Variants in DENND1A observed in about 807,000 individuals in gnomAD.
DENND1A encodes DENN domain-containing protein 1A.
A neutral mutation model predicts 113.7 loss-of-function variants in DENND1A; 51 were observed. The observed-to-expected ratio is 0.45, with a 90% CI of 0.36 to 0.57. The LOEUF (loss-of-function observed/expected upper bound fraction) is 0.57. Ranked by LOEUF, DENND1A falls within the 20% of genes least tolerant of loss-of-function variation. The pLI is 0.00. For missense variants in DENND1A, 1,258 were observed against 1,395.9 expected (o/e 0.90, Z 1.57); for synonymous variants, 565 against 570.8 (o/e 0.99, Z 0.14).
chr9:123,778,756 A>G (rs1830819151), intron 3 of DENND1A, among the ~76,000 whole-genome samples: 1 of 152,052 alleles, frequency 6.6e-6, no homozygotes, highest in African/African-American at 2.4e-5. Flanking sequence ...AGTCTGCCAA[A>G]CCCGATCTAG....
At chr9:123,706,363 G>C (rs921522664) in intron 5 of DENND1A, among the ~76,000 whole-genome samples, 2 of 151,764 alleles carry the variant, frequency 1.3e-5, no homozygotes, top group African/African-American at 4.8e-5. Context: ...TGTTGGCCAG[G>C]CTGGTCTCAA....
intron 13 of DENND1A, among the ~76,000 whole-genome samples, chr9:123,516,464 A>G (rs746708877): frequency 6.6e-6 from 1 of 152,222 alleles, no homozygotes; most frequent in Non-Finnish European, 1.5e-5. Flanking sequence ...TAACAGTTCA[A>G]TGTCACTAGT....
At chr9:123,846,187 C>G (rs1315607594) in intron 2 of DENND1A, among the ~76,000 whole-genome samples, 1 of 152,104 alleles carries the variant, frequency 6.6e-6, no homozygotes, top group African/African-American at 2.4e-5. Flanking sequence ...AAGAGACAGA[C>G]AACAGTATCC....
intron 19 of DENND1A, among the ~76,000 whole-genome samples, chr9:123,433,047 A>G (rs188381065): frequency 5.6e-4 from 86 of 152,360 alleles, no homozygotes; most frequent in Non-Finnish European, 1.0e-3. Context: ...AGTGTCAGCA[A>G]ATGATTGACA....
At chr9:123,708,556 T>C (rs565486706) in intron 5 of DENND1A, among the ~76,000 whole-genome samples, 2 of 152,276 alleles carry the variant, frequency 1.3e-5, no homozygotes, top group East Asian at 1.9e-4. Flanking sequence ...TCTAAGTATA[T>C]TCATGACCAG....
chr9:123,577,921 G>C (rs2058707935), intron 12 of DENND1A, among the ~76,000 whole-genome samples: 1 of 152,146 alleles, frequency 6.6e-6, no homozygotes, highest in Non-Finnish European at 1.5e-5. Flanking sequence ...TGCCCTACTG[G>C]TGTCTCTTAT....
At chr9:123,446,161 T>G (rs2047291163) in intron 18 of DENND1A, among the ~76,000 whole-genome samples, 1 of 152,254 alleles carries the variant, frequency 6.6e-6, no homozygotes, top group Non-Finnish European at 1.5e-5. Context: ...GGCAGAGGCC[T>G]TCCCGTCTGA....
At chr9:123,538,749 A>AGTGTGTGTGT (rs145062895) in intron 13 of DENND1A, among the ~76,000 whole-genome samples, 173 of 91,020 alleles carry the variant, frequency 1.9e-3, no homozygotes, top group African/African-American at 6.9e-3. Flanking sequence ...TATGTGTGTG[A>AGTGTGTGTGT]GTGTGTGTGT....
In DENND1A at chr9:123,381,049, G is replaced by A; in HGVS notation, c.*383C>T. ...CAGGGCCTGGCTGTGGAGGAGACAGGAGAGCTGGGCTCGGAGGGGAGGCCT... is the reference window on the plus strand; with the variant it reads ...CAGGGCCTGGCTGTGGAGGAGACAGAAGAGCTGGGCTCGGAGGGGAGGCCT... On this transcript the variant is annotated 3_prime_UTR_variant, in exon 24 of 24. Coordinates refer to ENST00000394215, the MANE Select transcript of DENND1A (RefSeq NM_001352964.2). The surrounding 1 kb of genome is among the most constrained non-coding windows in gnomAD (Gnocchi z 4.7). The A allele has an allele frequency of 4.3e-6, 1 of 233,012 alleles. No homozygotes were observed. The highest frequency in any genetic ancestry group is 8.4e-6 in the Non-Finnish European group (1 of 118,390). 14.4% of individuals were successfully genotyped at this position (233,012 alleles called of 1,614,324 possible). A position where few individuals can be genotyped will look rare whatever the true frequency, so the allele number is the denominator to read the frequency against.
rs1346989703 is a variant in DENND1A, at chr9:123,380,374, G to C, written c.*1058C>G. ...AATTTCTGTGCTGGCCTGGAGCTCT[G>C]GGCAGGTGGGGAGGGACTGGCTTCT... On this transcript the variant is annotated 3_prime_UTR_variant, in exon 24 of 24. Coordinates refer to ENST00000394215, the MANE Select transcript of DENND1A (RefSeq NM_001352964.2). 2 of 152,582 alleles carry C rather than the reference G, an allele frequency of 1.3e-5. No homozygotes were observed. Among genetic ancestry groups the C allele is most frequent in the African/African-American group, 4.8e-5 (2 of 41,450 alleles). 9.5% of individuals were successfully genotyped at this position (152,582 alleles called of 1,614,324 possible). A position where few individuals can be genotyped will look rare whatever the true frequency, so the allele number is the denominator to read the frequency against.
chr9:123,910,692 C>A (rs1163598931), intron 1 of DENND1A, among the ~76,000 whole-genome samples: 1 of 152,208 alleles, frequency 6.6e-6, no homozygotes, highest in Admixed American at 6.5e-5. Context: ...GTAATCCCAG[C>A]ACTTTGGGAG....
At chr9:123,415,750 G>A (rs770327432) in intron 19 of DENND1A, among the ~76,000 whole-genome samples, 10 of 152,216 alleles carry the variant, frequency 6.6e-5, no homozygotes, top group Non-Finnish European at 1.2e-4. Flanking sequence ...CTGCTGCAGG[G>A]ATGCGGGGCA....
At chr9:123,486,154 T>G (rs2050844917) in intron 13 of DENND1A, among the ~76,000 whole-genome samples, 1 of 152,088 alleles carries the variant, frequency 6.6e-6, no homozygotes, top group Non-Finnish European at 1.5e-5. Context: ...CCTAATTTCC[T>G]CCTCTGTAAA....
intron 12 of DENND1A, among the ~76,000 whole-genome samples, chr9:123,577,637 T>C (rs1037685631): frequency 1.3e-5 from 2 of 151,896 alleles, no homozygotes; most frequent in African/African-American, 2.4e-5. Flanking sequence ...TTAGATTTCT[T>C]GCACATCAGA....
intron 11 of DENND1A, among the ~76,000 whole-genome samples, chr9:123,598,027 T>A (rs2137270180): frequency 6.6e-6 from 1 of 152,282 alleles, no homozygotes; most frequent in South Asian, 2.1e-4. Flanking sequence ...CAATCTGAAA[T>A]AGCTATTGCA....
chr9:123,383,225 T>C (rs1201928898), intron 23 of DENND1A, among the ~76,000 whole-genome samples: 1 of 152,334 alleles, frequency 6.6e-6, no homozygotes, highest in Non-Finnish European at 1.5e-5. Context: ...GGGGATGTGA[T>C]GGATTAGACG....
chr9:123,381,742 G>A lies in DENND1A; in HGVS notation c.2903C>T (p.Pro968Leu), dbSNP rs1035108429. Reference protein sequence around the residue: ...GQMPMGTHTSPLQPLGPPAVA... With the variant: ...GQMPMGTHTSLLQPLGPPAVA... The stretch of plus-strand genomic sequence containing the variant: ...TGCTGGGGGACCCAGCGGCTGTAGG[G>A]GGCTCGTGTGGGTGCCCATGGGCAT... The change falls in exon 24 of 24, where the codon CCC becomes CTC. Residue 968 changes from proline (P) to leucine (L), a missense_variant. Transcript: ENST00000394215. The surrounding 1 kb of genome is among the most constrained non-coding windows in gnomAD (Gnocchi z 4.7). 9 of 1,515,150 alleles carry A rather than the reference G, an allele frequency of 5.9e-6. No individual in the cohort carries two copies. The highest frequency in any genetic ancestry group is 8.0e-6 in the Non-Finnish European group (9 of 1,131,722). 93.9% of individuals were successfully genotyped at this position (1,515,150 alleles called of 1,614,324 possible).
At chr9:123,800,013 C>G (rs1834372491) in intron 2 of DENND1A, among the ~76,000 whole-genome samples, 2 of 152,176 alleles carry the variant, frequency 1.3e-5, no homozygotes, top group South Asian at 4.1e-4. Context: ...CTGAAATAAA[C>G]TTTTATAAAC....
At chr9:123,613,143 C>T (rs959406950) in intron 10 of DENND1A, among the ~76,000 whole-genome samples, 1 of 152,218 alleles carries the variant, frequency 6.6e-6, no homozygotes, top group Non-Finnish European at 1.5e-5. Flanking sequence ...CCGGATACTC[C>T]ACTGAGTTCA....
Sources: allele counts gnomAD v4.1 joint callset (sites outside exome capture counted in the v4.1 genomes callset), GRCh38; gene constraint gnomAD v4.1.1; non-coding constraint Gnocchi (gnomAD v3.1); transcripts MANE v1.5; gene names NCBI Gene and HGNC (gene_info 2026-07-23, HGNC 2026-07-21).